SHISA9: variants seen among roughly 807,000 people sequenced by gnomAD.
The protein encoded by SHISA9 is shisa family member 9, also known as protein shisa-9.
SHISA9 carries 13 observed loss-of-function variants against 38.0 expected under a neutral mutation model. The observed-to-expected ratio is 0.34, with a 90% CI of 0.22 to 0.54. The LOEUF (loss-of-function observed/expected upper bound fraction) is 0.54. Ranked by LOEUF, SHISA9 falls within the 20% of genes least tolerant of loss-of-function variation. The probability of loss-of-function intolerance (pLI) is 0.91; values close to 1 mark genes in which losing one functional copy is unlikely to be tolerated. For missense variants in SHISA9, 538 were observed against 575.8 expected, an observed-to-expected ratio of 0.93 and a Z score of 0.67; for synonymous variants, 275 against 242.0, an observed-to-expected ratio of 1.14 and a Z score of -1.27.
chr16:12,903,798 G>C (rs980642839), intron 1 of SHISA9, among the ~76,000 whole-genome samples: 1 of 152,208 alleles, frequency 6.6e-6, no homozygotes, highest in African/African-American at 2.4e-5. Context: ...TCTGCCGGGG[G>C]CCTGTGTGTG....
intron 1 of SHISA9, among the ~76,000 whole-genome samples, chr16:12,912,682 C>T (rs1408163020): frequency 6.6e-6 from 1 of 152,134 alleles, no homozygotes; most frequent in Non-Finnish European, 1.5e-5. Context: ...GCTTATTGCA[C>T]GGAGGTTGCA....
At chr16:13,313,541 G>T in the SHISA9 span, among the ~76,000 whole-genome samples, 2 of 152,168 alleles carry the variant, frequency 1.3e-5, no homozygotes, top group African/African-American at 4.8e-5. Flanking sequence ...TGCTTAAAAA[G>T]TGGTTCCCAA....
chr16:13,318,904 G>T, the SHISA9 span, among the ~76,000 whole-genome samples: 1 of 152,202 alleles, frequency 6.6e-6, no homozygotes, highest in African/African-American at 2.4e-5. Context: ...TTCCTTAGCT[G>T]GTGCTCAGAG....
intron 2 of SHISA9, among the ~76,000 whole-genome samples, chr16:13,055,684 C>T (rs2073302380): frequency 6.6e-6 from 1 of 152,216 alleles, no homozygotes. Context: ...CACCCTCTTC[C>T]CTCATAGCAC....
At chr16:13,097,955 A>G (rs563109440) in intron 2 of SHISA9, among the ~76,000 whole-genome samples, 6 of 152,190 alleles carry the variant, frequency 3.9e-5, no homozygotes, top group Non-Finnish European at 8.8e-5. Flanking sequence ...TACTAATGAG[A>G]ATACAGTCAA....
chr16:13,501,996 C>T, the SHISA9 span, among the ~76,000 whole-genome samples: 3 of 130,336 alleles, frequency 2.3e-5, no homozygotes, highest in Admixed American at 7.6e-5. Context: ...AGCGAAACTC[C>T]GTATCAAAAA....
intron 2 of SHISA9, among the ~76,000 whole-genome samples, chr16:13,126,613 G>A (rs1024188372): frequency 1.4e-5 from 2 of 146,392 alleles, no homozygotes; most frequent in Non-Finnish European, 3.0e-5. Context: ...GGGAGGGAAA[G>A]AGATGGAGGC....
At chr16:12,908,592 C>A (rs2071136825) in intron 1 of SHISA9, 1 of 1,551,690 alleles carries the variant, frequency 6.4e-7, no homozygotes, top group Non-Finnish European at 8.7e-7. Context: ...GTGCACGGAT[C>A]CTTGGCCGCT....
intron 2 of SHISA9, among the ~76,000 whole-genome samples, chr16:13,004,962 A>AAAAAGAAAGAAAGAAAAGAAAAGAAAAG (rs59819968): frequency 1.6e-5 from 2 of 127,634 alleles, no homozygotes; most frequent in African/African-American, 6.2e-5. Flanking sequence ...AAAAAAAGAA[A>AAAAAGAAAGAAAGAAAAGAAAAGAAAAG]AAAAGAAAGA....
At chr16:13,056,608 T>TTCAGAC (rs1567197242) in intron 2 of SHISA9, among the ~76,000 whole-genome samples, 1 of 152,154 alleles carries the variant, frequency 6.6e-6, no homozygotes, top group African/African-American at 2.4e-5. Flanking sequence ...ATTGTCTGAG[T>TTCAGAC]TCAGACTCAG....
At chr16:13,543,440 T>C in the SHISA9 span, among the ~76,000 whole-genome samples, 128 of 152,352 alleles carry the variant, frequency 8.4e-4, no homozygotes, top group African/African-American at 3.0e-3. Context: ...CAGTTCATTA[T>C]GATATCCATT....
At chr16:13,315,622 C>G in the SHISA9 span, among the ~76,000 whole-genome samples, 1 of 152,180 alleles carries the variant, frequency 6.6e-6, no homozygotes, top group Non-Finnish European at 1.5e-5. Flanking sequence ...CCTTTATTTT[C>G]TCATCTGTAA....
At chr16:12,938,126 T>C (rs1406868733) in intron 2 of SHISA9, among the ~76,000 whole-genome samples, 1 of 152,200 alleles carries the variant, frequency 6.6e-6, no homozygotes, top group African/African-American at 2.4e-5. Context: ...CCTCAAAGCT[T>C]AGTGTAAGAG....
At chr16:13,208,433 C>CTTT (rs148636082) in intron 3 of SHISA9, among the ~76,000 whole-genome samples, 46 of 119,870 alleles carry the variant, frequency 3.8e-4, no homozygotes, top group African/African-American at 1.4e-3. Flanking sequence ...CTTTCTTTTT[C>CTTT]TTTTTTTTTC....
At chr16:13,513,380 A>G in the SHISA9 span, among the ~76,000 whole-genome samples, 1 of 152,212 alleles carries the variant, frequency 6.6e-6, no homozygotes, top group Non-Finnish European at 1.5e-5. Flanking sequence ...ATGTTTTTAC[A>G]CTGTTGGTAG....
the SHISA9 span, among the ~76,000 whole-genome samples, chr16:13,357,831 C>T: frequency 6.6e-6 from 1 of 151,440 alleles, no homozygotes; most frequent in East Asian, 1.9e-4. Context: ...AGTGGGGGTG[C>T]TTTTTGAGCC....
the SHISA9 span, among the ~76,000 whole-genome samples, chr16:13,310,426 G>A: frequency 6.6e-6 from 1 of 152,026 alleles, no homozygotes; most frequent in African/African-American, 2.4e-5. Context: ...GAAGGTCTTT[G>A]TGTGTTCCTC....
chr16:12,977,689 C>A (rs569334616), intron 2 of SHISA9, among the ~76,000 whole-genome samples: 1 of 152,078 alleles, frequency 6.6e-6, no homozygotes, highest in South Asian at 2.1e-4. Flanking sequence ...GAGCTGGAAG[C>A]CATTATCCTC....
intron 2 of SHISA9, among the ~76,000 whole-genome samples, chr16:13,009,030 C>G (rs1338408640): frequency 6.6e-6 from 1 of 151,608 alleles, no homozygotes; most frequent in Non-Finnish European, 1.5e-5. Flanking sequence ...TGGAGAGTGA[C>G]AAAAGTTAGC....
Sources: allele counts gnomAD v4.1 joint callset (sites outside exome capture counted in the v4.1 genomes callset), GRCh38; gene constraint gnomAD v4.1.1; transcripts MANE v1.5; gene names NCBI Gene and HGNC (gene_info 2026-07-23, HGNC 2026-07-21).